The following ELMO1 variants were observed in gnomAD, a reference collection of about 807,000 sequenced individuals.
ELMO1 encodes engulfment and cell motility 1, also known as engulfment and cell motility protein 1.
A neutral mutation model predicts 98.9 loss-of-function variants in ELMO1; 26 were observed. The ratio of observed to expected loss-of-function variants is 0.26; its 90% CI spans 0.19 to 0.36. The LOEUF is 0.36. ELMO1 is among the 10% of genes least tolerant of loss of function. The pLI, the probability that ELMO1 is intolerant of heterozygous loss-of-function variation, is 1.00. For synonymous variants in ELMO1, 346 were observed against 346.0 expected, an observed-to-expected ratio of 1.00 and a Z score of 0.00; for missense variants, 627 against 935.2, an observed-to-expected ratio of 0.67 and a Z score of 4.30.
chr7:37,158,012 C>T (rs1235084521), intron 13 of ELMO1, among the ~76,000 whole-genome samples: 1 of 152,150 alleles, frequency 6.6e-6, no homozygotes, highest in Non-Finnish European at 1.5e-5. Context: ...ACATCTACAA[C>T]CATCTGATCT....
rs551809782 is a variant in ELMO1 at position 37,203,359 on chromosome 7, G to A, written c.1086+8027C>T. ...AGTGGAGGGTCGTACCCTGAGGGAG[G>A]GAAGGGATCTCCAGAGTTGGAAGAG... On this transcript the variant is annotated intron_variant, in intron 13 of 21. Transcript: ENST00000310758. Among the ~76,000 whole-genome samples the A allele has an allele frequency of 2.0e-5, 3 of 152,308 alleles. No homozygotes were observed. In the East Asian group the frequency reaches 5.8e-4, roughly 29 times the overall value.
intron 15 of ELMO1, among the ~76,000 whole-genome samples, chr7:37,080,583 G>A (rs1410528747): frequency 4.1e-5 from 6 of 145,888 alleles, no homozygotes; most frequent in African/African-American, 7.6e-5. Context: ...GACTACAGGC[G>A]CCTGCCACCA....
intron 16 of ELMO1, among the ~76,000 whole-genome samples, chr7:37,012,092 A>G (rs1012921143): frequency 1.1e-4 from 16 of 152,210 alleles, no homozygotes; most frequent in Middle Eastern, 3.2e-3. Context: ...CAAGGAATTC[A>G]ATCGATGACC....
intron 16 of ELMO1, among the ~76,000 whole-genome samples, chr7:36,952,233 T>G (rs1788023836): frequency 6.6e-6 from 1 of 152,156 alleles, no homozygotes; most frequent in African/African-American, 2.4e-5. Flanking sequence ...CCAGGCAGAT[T>G]TGAAAGGAAT....
intron 14 of ELMO1, among the ~76,000 whole-genome samples, chr7:37,130,029 A>C (rs538005370): frequency 6.6e-6 from 1 of 152,178 alleles, no homozygotes; most frequent in African/African-American, 2.4e-5. Flanking sequence ...CCCTTCACCT[A>C]GTTAACTAGT....
chr7:37,176,890 G>A (rs1202445304), intron 13 of ELMO1, among the ~76,000 whole-genome samples: 3 of 152,186 alleles, frequency 2.0e-5, no homozygotes, highest in East Asian at 1.9e-4. Flanking sequence ...TATAATCAAC[G>A]TCAGACAATA....
intron 16 of ELMO1, among the ~76,000 whole-genome samples, chr7:36,957,998 A>C (rs1304358054): frequency 6.6e-6 from 1 of 152,036 alleles, no homozygotes; most frequent in African/African-American, 2.4e-5. Context: ...TGTCTTTGTA[A>C]ATTATTTTAC....
chr7:37,340,534 A>G (rs1800658724), intron 2 of ELMO1, among the ~76,000 whole-genome samples: 1 of 152,228 alleles, frequency 6.6e-6, no homozygotes, highest in African/African-American at 2.4e-5. Flanking sequence ...GAATAAGGAC[A>G]TTAGTGGAAA....
intron 4 of ELMO1, among the ~76,000 whole-genome samples, chr7:37,290,763 A>G (rs932672413): frequency 7.2e-5 from 11 of 152,236 alleles, no homozygotes; most frequent in African/African-American, 2.7e-4. Flanking sequence ...CATAAATTCA[A>G]TTCAATTTTA....
At chr7:37,107,183 C>T (rs1784998770) in intron 14 of ELMO1, among the ~76,000 whole-genome samples, 1 of 152,210 alleles carries the variant, frequency 6.6e-6, no homozygotes, top group Non-Finnish European at 1.5e-5. Flanking sequence ...GAGGGTCTTG[C>T]AATCTACTTG....
At chr7:37,439,589 T>A (rs1805308074) in intron 1 of ELMO1, among the ~76,000 whole-genome samples, 2 of 152,344 alleles carry the variant, frequency 1.3e-5, no homozygotes, top group South Asian at 4.1e-4. Flanking sequence ...AGCATTATGA[T>A]CAGGGCTATA....
chr7:36,981,216 C>T (rs1032333516), intron 16 of ELMO1, among the ~76,000 whole-genome samples: 3 of 149,934 alleles, frequency 2.0e-5, no homozygotes, highest in African/African-American at 7.3e-5. Flanking sequence ...CCAAAGCTCA[C>T]TCATTTCACC....
intron 13 of ELMO1, among the ~76,000 whole-genome samples, chr7:37,201,845 A>T (rs1419789991): frequency 6.6e-6 from 1 of 152,190 alleles, no homozygotes; most frequent in Non-Finnish European, 1.5e-5. Flanking sequence ...AGTTATTAGA[A>T]CTGAGGTCTG....
intron 16 of ELMO1, among the ~76,000 whole-genome samples, chr7:36,947,074 A>C (rs1245229432): frequency 6.6e-6 from 1 of 152,170 alleles, no homozygotes; most frequent in East Asian, 1.9e-4. Flanking sequence ...CCGTCACCCA[A>C]ATAGTGAGCA....
chr7:37,294,095 T>C (rs879401662), intron 4 of ELMO1, among the ~76,000 whole-genome samples: 6 of 151,428 alleles, frequency 4.0e-5, no homozygotes, highest in African/African-American at 1.2e-4. Context: ...AAGATTAATA[T>C]ATTTTCAGAA....
At position 37,301,304 on chromosome 7, in the gene ELMO1, G is replaced by C. The variant is rs907898294; in HGVS notation, c.192+13546C>G. Among the ~76,000 whole-genome samples, 3 of 127,168 alleles carry C rather than the reference G, an allele frequency of 2.4e-5. No homozygotes were observed. The South Asian group carries it at 8.2e-4, about 35-fold the overall frequency. The allele number at this position is 127,168 out of a possible 152,430, so 83.4% of individuals were successfully genotyped here. A position where few individuals can be genotyped will look rare whatever the true frequency, so the allele number is the denominator to read the frequency against. ...AAAGAAAAATAAGCATTAGGGAGCA[G>C]AGAAAAAATGAGAAATGAGAATATA... On this transcript the variant is annotated intron_variant, in intron 4 of 21. Transcript: ENST00000310758.
chr7:37,295,034 T>C (rs987578605), intron 4 of ELMO1, among the ~76,000 whole-genome samples: 1 of 150,244 alleles, frequency 6.7e-6, no homozygotes, highest in African/African-American at 2.4e-5. Flanking sequence ...AAAATATTAC[T>C]GAGTGAAAAA....
chr7:36,976,709 G>A (rs1389385931), intron 16 of ELMO1, among the ~76,000 whole-genome samples: 2 of 152,244 alleles, frequency 1.3e-5, no homozygotes. Context: ...AGGGAGAACA[G>A]TGGTTGGGAA....
chr7:36,899,704 A>C (rs1398988843), intron 16 of ELMO1, among the ~76,000 whole-genome samples: 4 of 4,148 alleles, frequency 9.6e-4, no homozygotes, highest in African/African-American at 1.9e-3. Flanking sequence ...TTTTTTTACC[A>C]CTCCTAAACT....
Sources: allele counts gnomAD v4.1 joint callset (sites outside exome capture counted in the v4.1 genomes callset), GRCh38; gene constraint gnomAD v4.1.1; transcripts MANE v1.5; gene names NCBI Gene and HGNC (gene_info 2026-07-23, HGNC 2026-07-21).